The following DRC8 variants were observed in gnomAD, a reference collection of about 807,000 sequenced individuals.
DRC8 encodes dynein regulatory complex protein 8.
the DRC8 span, among the ~76,000 whole-genome samples, chr1:245,084,299 C>G: frequency 1.8e-4 from 28 of 152,136 alleles, no homozygotes; most frequent in African/African-American, 6.3e-4. Context: ...CCAGGCTGGT[C>G]TCGAACTTCT....
At chr1:245,046,850 C>G in the DRC8 span, among the ~76,000 whole-genome samples, 4 of 152,180 alleles carry the variant, frequency 2.6e-5, no homozygotes, top group African/African-American at 9.7e-5. Flanking sequence ...CTCACTCGCT[C>G]TCTTATATTG....
At chr1:245,018,315 G>C in the DRC8 span, among the ~76,000 whole-genome samples, 2 of 151,380 alleles carry the variant, frequency 1.3e-5, no homozygotes, top group African/African-American at 2.4e-5. Flanking sequence ...GCAATCTCAA[G>C]ACCAGAACCT....
the DRC8 span, among the ~76,000 whole-genome samples, chr1:245,120,576 A>T: frequency 6.6e-6 from 1 of 152,192 alleles, no homozygotes. Flanking sequence ...ACTAGACTTC[A>T]GCCTTTTCCT....
At chr1:245,076,142 G>A in the DRC8 span, among the ~76,000 whole-genome samples, 1 of 152,194 alleles carries the variant, frequency 6.6e-6, no homozygotes, top group African/African-American at 2.4e-5. Flanking sequence ...ACTGTGGGTC[G>A]GGGAGGATGT....
chr1:245,081,475 TA>T, the DRC8 span, among the ~76,000 whole-genome samples: 1 of 151,642 alleles, frequency 6.6e-6, no homozygotes, highest in Non-Finnish European at 1.5e-5. Flanking sequence ...TTTTATTTTT[TA>T]TTTTTTTATT....
the DRC8 span, among the ~76,000 whole-genome samples, chr1:245,070,847 A>G: frequency 6.6e-6 from 1 of 152,232 alleles, no homozygotes; most frequent in Non-Finnish European, 1.5e-5. Context: ...AATTAAGTCG[A>G]GAGAGTAGAT....
At chr1:245,071,562 G>C in the DRC8 span, among the ~76,000 whole-genome samples, 5 of 152,202 alleles carry the variant, frequency 3.3e-5, no homozygotes, top group African/African-American at 1.2e-4. Flanking sequence ...AATTGGCAAA[G>C]AGTTTCTAAA....
chr1:245,048,514 G>GT, the DRC8 span, among the ~76,000 whole-genome samples: 577 of 148,034 alleles, frequency 3.9e-3, 4 homozygotes, highest in African/African-American at 0.011. Flanking sequence ...TGCTTATCTT[G>GT]TTTTTTTTTT....
the DRC8 span, among the ~76,000 whole-genome samples, chr1:245,116,071 A>G: frequency 6.6e-6 from 1 of 151,846 alleles, no homozygotes; most frequent in Non-Finnish European, 1.5e-5. Flanking sequence ...TATTTTTAGT[A>G]GAGACGGGGC....
chr1:245,012,127 C>A, the DRC8 span, among the ~76,000 whole-genome samples: 1 of 151,972 alleles, frequency 6.6e-6, no homozygotes, highest in East Asian at 1.9e-4. Context: ...AATCAGAGTG[C>A]CATTTGTTTT....
At chr1:245,060,750 T>A in the DRC8 span, among the ~76,000 whole-genome samples, 1 of 152,202 alleles carries the variant, frequency 6.6e-6, no homozygotes, top group Non-Finnish European at 1.5e-5. Flanking sequence ...GAAGCAATAA[T>A]GAAAAATACC....
the DRC8 span, among the ~76,000 whole-genome samples, chr1:245,065,334 T>C: frequency 6.6e-6 from 1 of 152,142 alleles, no homozygotes; most frequent in Non-Finnish European, 1.5e-5. Context: ...ATTATAGGTA[T>C]GAGCCACCGC....
At chr1:245,032,665 C>T in the DRC8 span, among the ~76,000 whole-genome samples, 149,461 of 152,318 alleles carry the variant, frequency 0.98, 73,373 homozygotes, top group East Asian at 1. Flanking sequence ...ATTGCCTTTT[C>T]TCTATATACA....
At chr1:245,049,042 G>A in the DRC8 span, among the ~76,000 whole-genome samples, 1 of 150,264 alleles carries the variant, frequency 6.7e-6, no homozygotes, top group Non-Finnish European at 1.5e-5. This position sits in a 1 kb window ranked among gnomAD's most constrained non-coding sequence, Gnocchi z 4.5. Context: ...TGGGAGTGCA[G>A]TAGCTCGATC....
the DRC8 span, among the ~76,000 whole-genome samples, chr1:245,092,043 C>T: frequency 1.6e-4 from 25 of 152,196 alleles, no homozygotes; most frequent in Non-Finnish European, 4.4e-5. Flanking sequence ...GTGCATGACT[C>T]AGGACCCGAC....
At chr1:244,999,340 C>T in the DRC8 span, among the ~76,000 whole-genome samples, 1 of 151,998 alleles carries the variant, frequency 6.6e-6, no homozygotes. Context: ...TCACTTGTTG[C>T]CTCTGTCTTT....
the DRC8 span, chr1:245,083,590 AAATAT>A: frequency 1.3e-6 from 2 of 1,595,980 alleles, no homozygotes; most frequent in African/African-American, 2.7e-5. Context: ...ACCAAATGAA[AAATAT>A]AATATCTATC....
chr1:245,070,717 A>C, the DRC8 span, among the ~76,000 whole-genome samples: 2 of 152,178 alleles, frequency 1.3e-5, no homozygotes, highest in Non-Finnish European at 2.9e-5. Context: ...TTTATTCAGT[A>C]AAACTTAATT....
At chr1:244,985,342 G>A in the DRC8 span, among the ~76,000 whole-genome samples, 1 of 152,190 alleles carries the variant, frequency 6.6e-6, no homozygotes, top group Admixed American at 6.5e-5. Context: ...TTTAGGCAAG[G>A]TACTTAGGTG....
Sources: allele counts gnomAD v4.1 joint callset (sites outside exome capture counted in the v4.1 genomes callset), GRCh38; gene constraint gnomAD v4.1.1; non-coding constraint Gnocchi (gnomAD v3.1); transcripts MANE v1.5; gene names NCBI Gene and HGNC (gene_info 2026-07-23, HGNC 2026-07-21).